Variants in RSPH9 observed in about 807,000 individuals in gnomAD.
RSPH9 encodes radial spoke head protein 9 homolog.
In RSPH9, 27 loss-of-function variants were observed where a neutral mutation model predicts 27.0. The ratio of observed to expected loss-of-function variants is 1.00; its 90% CI spans 0.74 to 1.38. RSPH9 has a LOEUF of 1.38. Ranked by LOEUF, RSPH9 falls within the 40% of genes most tolerant of loss-of-function variation. The pLI is 0.00. For synonymous variants in RSPH9, 145 were observed against 147.7 expected (o/e 0.98, Z 0.13); for missense variants, 347 against 357.4 (o/e 0.97, Z 0.24).
chr6:43,645,706 G>A (rs1020131867), intron 1 of RSPH9, among the ~76,000 whole-genome samples: 2 of 152,248 alleles, frequency 1.3e-5, no homozygotes, highest in African/African-American at 4.8e-5. Flanking sequence ...GTGAAGCAGT[G>A]GGAAGGTTTC....
At chr6:43,652,508 C>T (rs1364727786) in intron 2 of RSPH9, among the ~76,000 whole-genome samples, 2 of 151,448 alleles carry the variant, frequency 1.3e-5, no homozygotes, top group East Asian at 3.9e-4. Context: ...TCACTGCAAC[C>T]TCTGCCTCCC....
intron 4 of RSPH9, among the ~76,000 whole-genome samples, chr6:43,664,336 T>C (rs1179861407): frequency 2.6e-5 from 4 of 152,150 alleles, no homozygotes; most frequent in Non-Finnish European, 5.9e-5. Flanking sequence ...GTTTGAGTGA[T>C]TCTACTGTCT....
intron 4 of RSPH9, among the ~76,000 whole-genome samples, chr6:43,666,749 T>C (rs1005606793): frequency 5.3e-5 from 8 of 152,110 alleles, no homozygotes; most frequent in African/African-American, 1.4e-4. Context: ...CCAGGTGGCA[T>C]AGATGCAGCC....
rs573370058 is a variant in RSPH9 at position 43,667,514 on chromosome 6, C to CG, written c.671-3268dup. On this transcript the variant is annotated intron_variant, in intron 4 of 4. Coordinates refer to ENST00000372163, the MANE Select transcript of RSPH9 (RefSeq NM_152732.5). ...GGGGCGAGTGAGGCGGGCATGGGCGCGGGGGGGAACATGGTGCCCAGGGTC... is the reference window on the plus strand; with the variant it reads ...GGGGCGAGTGAGGCGGGCATGGGCGCGGGGGGGGAACATGGTGCCCAGGGTC... Among the ~76,000 whole-genome samples the CG allele has an allele frequency of 6.0e-3, 919 of 152,190 alleles. 10 individuals are homozygous for CG. Among genetic ancestry groups the CG allele is most frequent in the African/African-American group, 0.021 (863 of 41,502 alleles).
rs1350786760 is a variant in RSPH9, at chr6:43,671,245, G to GT, written c.*297dup. The GT allele has an allele frequency of 1.9e-6, 1 of 528,872 alleles. No individual in the cohort carries two copies. The highest frequency in any genetic ancestry group is 1.9e-5 in the African/African-American group (1 of 52,534). 32.8% of individuals were successfully genotyped at this position (528,872 alleles called of 1,614,324 possible). A position where few individuals can be genotyped will look rare whatever the true frequency, so the allele number is the denominator to read the frequency against. On this transcript the variant is annotated 3_prime_UTR_variant, in exon 5 of 5. Transcript: ENST00000372163. ...TTGGATTCACACGAGAGCGGCAAGT[G>GT]TGTCAGGCAGCCCACCTTGGCTCCC...
intron 1 of RSPH9, among the ~76,000 whole-genome samples, chr6:43,648,038 G>A (rs1771064422): frequency 1.3e-5 from 2 of 152,212 alleles, no homozygotes; most frequent in African/African-American, 4.8e-5. Context: ...GGGAGGCAGA[G>A]GCAGGTAGAT....
chr6:43,648,175 A>T (rs1295988249), intron 1 of RSPH9, among the ~76,000 whole-genome samples: 1 of 152,114 alleles, frequency 6.6e-6, no homozygotes, highest in Non-Finnish European at 1.5e-5. Context: ...AGGCTGAGGC[A>T]GGAGAATCGC....
rs541975508 is a variant in RSPH9, at chr6:43,664,784, C to T, written c.671-6005C>T. Among the ~76,000 whole-genome samples, 7 of 152,222 alleles carry T rather than the reference C, an allele frequency of 4.6e-5. No homozygotes were observed. The East Asian group carries it at 9.7e-4, about 21-fold the overall frequency. On this transcript the variant is annotated intron_variant, in intron 4 of 4. Coordinates refer to ENST00000372163, the MANE Select transcript of RSPH9 (RefSeq NM_152732.5). Reference sequence around the variant, plus strand: ...GGTCTATAGGGGTTGGGGCATTTCTCGCCCATCAGACATACTTCTCAGACT... The same window carrying T: ...GGTCTATAGGGGTTGGGGCATTTCTTGCCCATCAGACATACTTCTCAGACT...
At chr6:43,668,067 C>T (rs1773323178) in intron 4 of RSPH9, among the ~76,000 whole-genome samples, 1 of 152,126 alleles carries the variant, frequency 6.6e-6, no homozygotes, top group South Asian at 2.1e-4. Context: ...CAAAACACAG[C>T]TTCTGGAGAA....
chr6:43,649,456 T>G (rs1373641478), intron 1 of RSPH9, among the ~76,000 whole-genome samples: 1 of 152,012 alleles, frequency 6.6e-6, no homozygotes, highest in Non-Finnish European at 1.5e-5. Context: ...GGAGTACAAG[T>G]GTGAGCCACC....
chr6:43,661,120 G>A (rs1772565260), intron 4 of RSPH9, among the ~76,000 whole-genome samples: 1 of 152,220 alleles, frequency 6.6e-6, no homozygotes, highest in Non-Finnish European at 1.5e-5. Flanking sequence ...GGTCTCAAAA[G>A]TGGGCTTAAA....
intron 2 of RSPH9, among the ~76,000 whole-genome samples, chr6:43,654,805 A>G (rs1367808061): frequency 6.6e-6 from 1 of 152,222 alleles, no homozygotes; most frequent in Non-Finnish European, 1.5e-5. Context: ...CCTGGGCGAC[A>G]GAGCAGGACT....
rs540909258 is a variant in RSPH9, at chr6:43,668,435, C to G, written c.671-2354C>G. Among the ~76,000 whole-genome samples, 496 of 152,262 alleles carry G rather than the reference C, an allele frequency of 3.3e-3. 2 individuals carry two copies. Among genetic ancestry groups the G allele is most frequent in the African/African-American group, 0.011 (465 of 41,556 alleles). ...CTACCGTACTCCACCAGCACCCTCC[C>G]GCCTGCGCAGCACTGCCCCCTGCCA... On this transcript the variant is annotated intron_variant, in intron 4 of 4. Coordinates refer to ENST00000372163, the MANE Select transcript of RSPH9 (RefSeq NM_152732.5).
intron 4 of RSPH9, chr6:43,666,468 AG>A: frequency 6.5e-7 from 1 of 1,549,580 alleles, no homozygotes. Flanking sequence ...GCTTCTGAGC[AG>A]GTGTGGTTTT....
intron 4 of RSPH9, 116 bp from the exon 5 acceptor site, chr6:43,670,673 C>T: frequency 1.3e-6 from 1 of 796,006 alleles, no homozygotes; most frequent in Non-Finnish European, 2.1e-6. Flanking sequence ...TGGTCTCTCC[C>T]CAGTGGAACC....
intron 4 of RSPH9, among the ~76,000 whole-genome samples, chr6:43,661,200 A>T (rs1176062039): frequency 6.6e-6 from 1 of 152,236 alleles, no homozygotes; most frequent in African/African-American, 2.4e-5. Context: ...TATAGAGCAC[A>T]GGCAGAGTAG....
At chr6:43,656,414 G>A (rs1347537316) in intron 3 of RSPH9, among the ~76,000 whole-genome samples, 163 bp from the exon 4 acceptor site, 5 of 152,092 alleles carry the variant, frequency 3.3e-5, no homozygotes, top group African/African-American at 1.2e-4. Flanking sequence ...GATCTGGTCC[G>A]AGTTTGGACT....
chr6:43,671,582 T>C lies in RSPH9; in HGVS notation c.*633T>C, dbSNP rs1773697662. On this transcript the variant is annotated 3_prime_UTR_variant, in exon 5 of 5. Transcript: ENST00000372163. ...CCTGCCTGCCTCTAGCTCCCAGCAT[T>C]GCTACTGTGCAGGCCAAGGGTACTG... 4.4e-6 allele frequency: 3 copies of C among 684,214 alleles called. No individual in the cohort carries two copies. The South Asian group carries it at 5.6e-5, about 13-fold the overall frequency. 42.4% of individuals were successfully genotyped at this position (684,214 alleles called of 1,614,324 possible). A position where few individuals can be genotyped will look rare whatever the true frequency, so the allele number is the denominator to read the frequency against.
intron 3 of RSPH9, among the ~76,000 whole-genome samples, chr6:43,656,303 C>T (rs868865946): frequency 5.3e-5 from 8 of 152,148 alleles, no homozygotes; most frequent in South Asian, 4.1e-4. Context: ...CCAGGCTTGT[C>T]TCAAACTCCC....
Sources: gnomAD v4.1 joint callset for allele counts (sites outside exome capture counted in the v4.1 genomes callset) on GRCh38, gnomAD v4.1.1 for gene constraint, MANE v1.5 for transcripts, NCBI Gene and HGNC (gene_info 2026-07-23, HGNC 2026-07-21) for gene names.